Variants in GALM observed in about 807,000 individuals in gnomAD.
GALM encodes the protein aldose 1-epimerase.
A neutral mutation model predicts 37.4 loss-of-function variants in GALM; 43 were observed. The observed-to-expected ratio is 1.15, with a 90% CI of 0.90 to 1.48. GALM has a LOEUF of 1.48. GALM is among the 40% of genes most tolerant of loss of function. The pLI, the probability that GALM is intolerant of heterozygous loss-of-function variation, is 0.00. For synonymous variants in GALM, 199 were observed against 170.6 expected, an observed-to-expected ratio of 1.17 and a Z score of -1.30; for missense variants, 456 against 419.1, an observed-to-expected ratio of 1.09 and a Z score of -0.77.
intron 4 of GALM, among the ~76,000 whole-genome samples, chr2:38,690,321 T>TA (rs1049869837): frequency 1.3e-5 from 2 of 151,544 alleles, no homozygotes; most frequent in Admixed American, 6.6e-5. Context: ...TTTTTAAGAT[T>TA]AAAAAAAAAT....
At chr2:38,700,062 G>A (rs977589098) in intron 4 of GALM, among the ~76,000 whole-genome samples, 13 of 151,958 alleles carry the variant, frequency 8.6e-5, no homozygotes, top group Non-Finnish European at 1.6e-4. Flanking sequence ...AGCAATTCTC[G>A]TGCCTCAGCC....
intron 2 of GALM, among the ~76,000 whole-genome samples, chr2:38,676,476 C>T (rs1040904773): frequency 6.6e-6 from 1 of 151,996 alleles, no homozygotes; most frequent in African/African-American, 2.4e-5. Context: ...ACTGAAAGGC[C>T]ACATGGCCAG....
intron 1 of GALM, among the ~76,000 whole-genome samples, chr2:38,675,524 TTGTTTTTTTTTTTTTTTTTTGTG>T (rs1258912136): frequency 2.1e-5 from 2 of 96,864 alleles, no homozygotes; most frequent in Admixed American, 1.1e-4. Context: ...GAGGGTTTTT[TTGTTTTTTTTTTTTTTTTTTGTG>T]TGTGTGTGTG....
intron 3 of GALM, 138 bp downstream of exon 3, chr2:38,681,624 C>A: frequency 1.5e-6 from 1 of 683,128 alleles, no homozygotes; most frequent in Non-Finnish European, 2.6e-6. Flanking sequence ...CAGCAGAGGG[C>A]TTATAGTAGG....
intron 3 of GALM, among the ~76,000 whole-genome samples, chr2:38,685,636 G>GT (rs1185590075): frequency 6.6e-6 from 1 of 152,220 alleles, no homozygotes; most frequent in Non-Finnish European, 1.5e-5. Flanking sequence ...GATTCCAACA[G>GT]TAATATTCCA....
chr2:38,697,235 A>G (rs1665830859), intron 4 of GALM, among the ~76,000 whole-genome samples: 1 of 152,168 alleles, frequency 6.6e-6, no homozygotes. Flanking sequence ...CAGATCACCT[A>G]CATTCCTCGG....
intron 4 of GALM, among the ~76,000 whole-genome samples, chr2:38,703,810 C>T (rs1200824679): frequency 1.1e-4 from 16 of 152,068 alleles, no homozygotes; most frequent in Non-Finnish European, 1.6e-4. Context: ...ATCAGGAGTT[C>T]GAGACCAGCC....
At chr2:38,667,976 A>G (rs927652760) in intron 1 of GALM, among the ~76,000 whole-genome samples, 1 of 152,210 alleles carries the variant, frequency 6.6e-6, no homozygotes, top group African/African-American at 2.4e-5. Context: ...GCCAAGAAAA[A>G]TCTGAACACA....
intron 2 of GALM, among the ~76,000 whole-genome samples, chr2:38,679,673 A>C (rs996285267): frequency 4.6e-5 from 7 of 152,188 alleles, no homozygotes; most frequent in Admixed American, 1.3e-4. Context: ...TCTCTGGCCA[A>C]CTCATCCCCT....
At chr2:38,695,139 C>G (rs1665776612) in intron 4 of GALM, among the ~76,000 whole-genome samples, 1 of 151,852 alleles carries the variant, frequency 6.6e-6, no homozygotes, top group Non-Finnish European at 1.5e-5. Flanking sequence ...AATTTACAAA[C>G]AGGCCGGGTG....
chr2:38,682,731 T>C (rs1572516337), intron 3 of GALM, among the ~76,000 whole-genome samples: 1 of 152,094 alleles, frequency 6.6e-6, no homozygotes, highest in East Asian at 1.9e-4. Context: ...ACCCCGTCTC[T>C]ACTAAAAATA....
At chr2:38,673,216 C>T (rs746624330) in intron 1 of GALM, among the ~76,000 whole-genome samples, 1 of 152,152 alleles carries the variant, frequency 6.6e-6, no homozygotes, top group Non-Finnish European at 1.5e-5. Context: ...CTGAGAGCCT[C>T]TCCATCCCTT....
In GALM at chr2:38,733,325, C is replaced by G. The variant is rs746226767; in HGVS notation, c.952-163C>G. Among the ~76,000 whole-genome samples, 46 of 151,996 alleles carry G rather than the reference C, an allele frequency of 3.0e-4. 1 individual carries two copies. Among genetic ancestry groups the G allele is most frequent in the Non-Finnish European group, 6.3e-4 (43 of 67,992 alleles). On this transcript the variant is annotated intron_variant, in intron 6 of 6. Transcript: ENST00000272252. ...TTTAACAAAGTGTGCTTTTTTCACT[C>G]TGATTAAAGTTCTTTATCTCACTAT...
intron 2 of GALM, among the ~76,000 whole-genome samples, chr2:38,677,091 C>T (rs150899175): frequency 1.3e-5 from 2 of 152,348 alleles, no homozygotes; most frequent in African/African-American, 2.4e-5. Context: ...GCAAATTGAT[C>T]GAACAGCTTC....
In GALM at chr2:38,713,860, G is replaced by A. The variant is rs370584369; in HGVS notation, c.635-15696G>A. ...GTCGAGGTTGTGATGAGCTGTGATC[G>A]TGCCACAGCACTCTAGCCTGGGCAA... On this transcript the variant is annotated intron_variant, in intron 4 of 6. Transcript: ENST00000272252. Among the ~76,000 whole-genome samples, 24 of 150,960 alleles carry A rather than the reference G, an allele frequency of 1.6e-4. No homozygotes were observed. In the East Asian group the frequency reaches 3.3e-3, roughly 21 times the overall value.
intron 4 of GALM, among the ~76,000 whole-genome samples, chr2:38,701,524 T>C (rs1665917056): frequency 6.6e-6 from 1 of 152,218 alleles, no homozygotes; most frequent in Admixed American, 6.5e-5. Context: ...CTGTGTTCAC[T>C]TGCTGTTCTT....
intron 3 of GALM, among the ~76,000 whole-genome samples, chr2:38,688,522 A>T (rs1296919969): frequency 6.6e-6 from 1 of 152,128 alleles, no homozygotes; most frequent in Non-Finnish European, 1.5e-5. Context: ...AGAAAAAAAA[A>T]AAAAGTCAAA....
intron 2 of GALM, chr2:38,680,141 C>T (rs1665360254): frequency 4.6e-6 from 2 of 438,842 alleles, no homozygotes; most frequent in Admixed American, 2.6e-5. Flanking sequence ...TTCTCAGCCT[C>T]CCGAGTAGCT....
At chr2:38,713,582 G>A (rs1057425641) in intron 4 of GALM, among the ~76,000 whole-genome samples, 1 of 152,086 alleles carries the variant, frequency 6.6e-6, no homozygotes, top group Non-Finnish European at 1.5e-5. Flanking sequence ...GAAAACAGTG[G>A]TTTAGGGCAT....
Sources: allele counts gnomAD v4.1 joint callset (sites outside exome capture counted in the v4.1 genomes callset), GRCh38; gene constraint gnomAD v4.1.1; transcripts MANE v1.5; gene names NCBI Gene and HGNC (gene_info 2026-07-23, HGNC 2026-07-21).